The following ATP5IF1 variants were observed in gnomAD, a reference collection of about 807,000 sequenced individuals.
ATP5IF1 encodes the protein ATP synthase inhibitory factor subunit 1.
In ATP5IF1, 12 loss-of-function variants were observed where a neutral mutation model predicts 8.5. The observed-to-expected ratio is 1.41, with a 90% CI of 0.90 to 2.28. The LOEUF (loss-of-function observed/expected upper bound fraction) is 2.28, where lower values mean the gene tolerates loss of function less well. ATP5IF1 is among the 30% of genes most tolerant of loss of function. ATP5IF1 has a pLI of 0.00. For missense variants in ATP5IF1, 154 were observed against 140.2 expected (o/e 1.10, Z -0.50); for synonymous variants, 51 against 53.4 (o/e 0.96, Z 0.19).
chr1:28,237,794 G>T, intron 2 of ATP5IF1, 43 bp from the exon 3 acceptor site: 2 of 1,614,168 alleles, frequency 1.2e-6, no homozygotes, highest in Non-Finnish European at 1.7e-6. Context: ...TCTCTTTGGG[G>T]TGAAGGATTG....
At position 28,236,163 on chromosome 1, in the gene ATP5IF1, A is replaced by G. The variant is rs756893274; in HGVS notation, c.-21A>G. The G allele has an allele frequency of 3.7e-6, 6 of 1,611,048 alleles. No individual in the cohort carries two copies. The highest frequency in any genetic ancestry group is 1.7e-4 in the Middle Eastern group (1 of 6,042). ...GACTGCTTGCTGCGGCAGAGACGCCAGAGGTGCAGCTCCAGCAGCAATGGC... is the reference window on the plus strand; with the variant it reads ...GACTGCTTGCTGCGGCAGAGACGCCGGAGGTGCAGCTCCAGCAGCAATGGC... On this transcript the variant is annotated 5_prime_UTR_variant, in exon 1 of 3. Transcript: ENST00000335514.
In ATP5IF1 at chr1:28,236,151, G is replaced by T. The variant is rs766380484; in HGVS notation, c.-33G>T. 1.2e-6 allele frequency: 2 copies of T among 1,608,498 alleles called. No homozygotes were observed. The highest frequency in any genetic ancestry group is 1.1e-5 in the South Asian group (1 of 91,004). ...CGCGTAACGAGAGACTGCTTGCTGC[G>T]GCAGAGACGCCAGAGGTGCAGCTCC... On this transcript the variant is annotated 5_prime_UTR_variant, in exon 1 of 3. Coordinates refer to ENST00000335514, the MANE Select transcript of ATP5IF1 (RefSeq NM_016311.5).
Position 28,237,242 on chromosome 1 carries a change from G to C in ATP5IF1, c.180-595G>C, listed in dbSNP as rs1379272176. On this transcript the variant is annotated intron_variant, in intron 2 of 2. Coordinates refer to ENST00000335514, the MANE Select transcript of ATP5IF1 (RefSeq NM_016311.5). ...TGACACCTGCCATACCGTATAGAGA[G>C]CCAAGGTACAGCCGTTAGAGACTAT... 6.0e-6 allele frequency: 6 copies of C among 994,266 alleles called. No homozygotes were observed. In the African/African-American group the frequency reaches 8.7e-5, roughly 14 times the overall value. The allele number at this position is 994,266 out of a possible 1,614,324, so 61.6% of individuals were successfully genotyped here.
At chr1:28,236,529 C>T in intron 2 of ATP5IF1, 77 bp downstream of exon 2, 2 of 1,601,992 alleles carry the variant, frequency 1.2e-6, no homozygotes, top group Non-Finnish European at 1.7e-6. Context: ...AATCGCCCCA[C>T]CCGTTCCTAC....
intron 2 of ATP5IF1, 79 bp downstream of exon 2, chr1:28,236,531 C>A (rs757266091): frequency 3.1e-6 from 5 of 1,601,690 alleles, no homozygotes; most frequent in East Asian, 2.3e-5. Flanking sequence ...TCGCCCCACC[C>A]GTTCCTACCT....
chr1:28,236,629 A>G (rs1211055509), intron 2 of ATP5IF1, 177 bp downstream of exon 2: 2 of 1,517,484 alleles, frequency 1.3e-6, no homozygotes, highest in Non-Finnish European at 1.8e-6. Flanking sequence ...GTTGCCACGT[A>G]TAGGGCACTC....
chr1:28,236,970 G>A, intron 2 of ATP5IF1: 1 of 1,049,446 alleles, frequency 9.5e-7, no homozygotes, highest in Non-Finnish European at 1.2e-6. Flanking sequence ...AGGATGATGG[G>A]AGCTGGTCAT....
chr1:28,237,723 A>G, intron 2 of ATP5IF1, 114 bp from the exon 3 acceptor site: 3 of 1,612,424 alleles, frequency 1.9e-6, no homozygotes, highest in Non-Finnish European at 2.5e-6. Context: ...ATGACCAGCT[A>G]GACTCCCATG....
rs769779141 is a variant in ATP5IF1 at position 28,236,382 on chromosome 1, G to A, written c.109G>A (p.Ala37Thr). Residue 37 changes from alanine to threonine, a missense_variant, in exon 2 of 3, where the codon GCG becomes ACG. Ala to Thr is a moderately conservative substitution (Grantham distance 58). Coordinates refer to ENST00000335514, the MANE Select transcript of ATP5IF1 (RefSeq NM_016311.5). ...GCAGTCCGAGAATGTCGACCGGGGC[G>A]CGGGCTCCATCCGGGAAGCCGGTGG... The part of the protein sequence containing the change: ...SDQSENVDRG[A>T]GSIREAGGAF... 1 of 1,614,106 alleles carries A rather than the reference G, an allele frequency of 6.2e-7. No homozygotes were observed. The highest frequency in any genetic ancestry group is 1.3e-5 in the African/African-American group (1 of 74,950).
chr1:28,238,059 C>CT lies in ATP5IF1; in HGVS notation c.*82dup. On this transcript the variant is annotated 3_prime_UTR_variant, in exon 3 of 3. Coordinates refer to ENST00000335514, the MANE Select transcript of ATP5IF1 (RefSeq NM_016311.5). Reference sequence around the variant, plus strand: ...TGGTTCTGGTTTAACTAATATTTGTCTGTGTGCTACTAACAGATTATAATA... The same window carrying CT: ...TGGTTCTGGTTTAACTAATATTTGTCTTGTGTGCTACTAACAGATTATAATA... The CT allele has an allele frequency of 3.0e-6, 4 of 1,339,228 alleles. No homozygotes were observed. The East Asian group carries it at 9.3e-5, about 31-fold the overall frequency. The allele number at this position is 1,339,228 out of a possible 1,614,324, so 83.0% of individuals were successfully genotyped here.
intron 2 of ATP5IF1, chr1:28,237,558 T>A: frequency 7.1e-7 from 1 of 1,403,700 alleles, no homozygotes; most frequent in Non-Finnish European, 9.2e-7. Context: ...CCTGGGTTGT[T>A]CCCCTCATAA....
chr1:28,237,904 AAGG>A lies in ATP5IF1; in HGVS notation c.250_252del (p.Glu84del). On this transcript the variant is annotated inframe_deletion, in exon 3 of 3. Transcript: ENST00000335514. ...TGAAGAAGAAATCGTTCATCATAAG[AAGG>A]AGATTGAGCGTCTGCAGAAAGAAAT... The A allele has an allele frequency of 1.2e-6, 2 of 1,614,020 alleles. No homozygotes were observed. Among genetic ancestry groups the A allele is most frequent in the Non-Finnish European group, 1.7e-6 (2 of 1,179,964 alleles).
In ATP5IF1 at chr1:28,236,410, C is replaced by T; in HGVS notation, c.137C>T (p.Ala46Val). 1 of 1,614,176 alleles carries T rather than the reference C, an allele frequency of 6.2e-7. No homozygotes were observed. Among genetic ancestry groups the T allele is most frequent in the Non-Finnish European group, 8.5e-7 (1 of 1,180,022 alleles). The change falls in exon 2 of 3, where the codon GCC becomes GTC. Residue 46 changes from alanine (A) to valine (V), a missense_variant. Physicochemically the swap from Ala to Val is moderately conservative, Grantham distance 64. Coordinates refer to ENST00000335514, the MANE Select transcript of ATP5IF1 (RefSeq NM_016311.5). ...GAGSIREAGG[A>V]FGKREQAEEE... The stretch of plus-strand genomic sequence containing the variant: ...GGCTCCATCCGGGAAGCCGGTGGGG[C>T]CTTCGGAAAGAGAGAGCAGGCTGAA...
chr1:28,236,407 G>T lies in ATP5IF1; in HGVS notation c.134G>T (p.Gly45Val). The change falls in exon 2 of 3, where the codon GGG (glycine) becomes GTG (valine). Residue 45 changes from glycine to valine, a missense_variant. Coordinates refer to ENST00000335514, the MANE Select transcript of ATP5IF1 (RefSeq NM_016311.5). ...GCGGGCTCCATCCGGGAAGCCGGTGGGGCCTTCGGAAAGAGAGAGCAGGCT... is the reference window on the plus strand; with the variant it reads ...GCGGGCTCCATCCGGGAAGCCGGTGTGGCCTTCGGAAAGAGAGAGCAGGCT... The part of the protein sequence containing the change: ...RGAGSIREAG[G>V]AFGKREQAEE... The T allele has an allele frequency of 1.2e-6, 2 of 1,614,218 alleles. No homozygotes were observed. The highest frequency in any genetic ancestry group is 1.7e-6 in the Non-Finnish European group (2 of 1,180,038).
In ATP5IF1 at chr1:28,236,383, C is replaced by G; in HGVS notation, c.110C>G (p.Ala37Gly). Residue 37 changes from alanine to glycine, a missense_variant, in exon 2 of 3, where the codon GCG (alanine) becomes GGG (glycine). Physicochemically the swap from Ala to Gly is moderately conservative, Grantham distance 60. Coordinates refer to ENST00000335514, the MANE Select transcript of ATP5IF1 (RefSeq NM_016311.5). ...SDQSENVDRG[A>G]GSIREAGGAF... ...CAGTCCGAGAATGTCGACCGGGGCG[C>G]GGGCTCCATCCGGGAAGCCGGTGGG... The G allele has an allele frequency of 6.2e-7, 1 of 1,614,210 alleles. No homozygotes were observed. Among genetic ancestry groups the G allele is most frequent in the Non-Finnish European group, 8.5e-7 (1 of 1,180,034 alleles).
intron 2 of ATP5IF1, chr1:28,236,859 C>T: frequency 8.7e-7 from 1 of 1,152,236 alleles, no homozygotes; most frequent in Non-Finnish European, 1.1e-6. Flanking sequence ...CACCTGTCAC[C>T]CCCTCTACGC....
At position 28,237,411 on chromosome 1, in the gene ATP5IF1, T is replaced by G; in HGVS notation, c.180-426T>G. 5 of 1,105,014 alleles carry G rather than the reference T, an allele frequency of 4.5e-6. No homozygotes were observed. In the South Asian group the frequency reaches 1.5e-4, roughly 33 times the overall value. 68.5% of individuals were successfully genotyped at this position (1,105,014 alleles called of 1,614,324 possible). ...AAGAGACCCTTTATTGGCCTTACAG[T>G]GGGCCATTCATTTCTATAGGCAAAG... On this transcript the variant is annotated intron_variant, in intron 2 of 2. Coordinates refer to ENST00000335514, the MANE Select transcript of ATP5IF1 (RefSeq NM_016311.5).
At position 28,236,271 on chromosome 1, in the gene ATP5IF1, G is replaced by A; in HGVS notation, c.87+1G>A. On this transcript the variant is annotated splice_donor_variant, in intron 1 of 2. Transcript: ENST00000335514. LOFTEE classifies it high-confidence loss of function. ...AGCCCGAGGCTTCGGCTCGGATCAGGTACGCTGCGGCAGTGTCCGCTGCTC... is the reference window on the plus strand; with the variant it reads ...AGCCCGAGGCTTCGGCTCGGATCAGATACGCTGCGGCAGTGTCCGCTGCTC... 6.2e-7 allele frequency: 1 copy of A among 1,614,136 alleles called. No homozygotes were observed. The highest frequency in any genetic ancestry group is 8.5e-7 in the Non-Finnish European group (1 of 1,180,028).
At position 28,238,026 on chromosome 1, in the gene ATP5IF1, T is replaced by G. The variant is rs1647054478; in HGVS notation, c.*48T>G. 1.9e-6 allele frequency: 3 copies of G among 1,554,576 alleles called. No individual in the cohort carries two copies. The highest frequency in any genetic ancestry group is 3.6e-5 in the Admixed American group (2 of 55,850). On this transcript the variant is annotated 3_prime_UTR_variant, in exon 3 of 3. Transcript: ENST00000335514. ...TGGCACATGTCATTGCCCACTTCTG[T>G]GTAGACATGGTTCTGGTTTAACTAA...
Sources: allele counts gnomAD v4.1 joint callset, GRCh38; gene constraint gnomAD v4.1.1; transcripts MANE v1.5; gene names NCBI Gene and HGNC (gene_info 2026-07-23, HGNC 2026-07-21).